Variants in BEGAIN observed in about 807,000 individuals in gnomAD.
BEGAIN encodes brain enriched guanylate kinase associated.
BEGAIN carries 19 observed loss-of-function variants against 35.8 expected under a neutral mutation model. The ratio of observed to expected loss-of-function variants is 0.53; its 90% confidence interval spans 0.37 to 0.78. BEGAIN has a LOEUF of 0.78. Ranked by LOEUF, BEGAIN falls within the 30% of genes least tolerant of loss-of-function variation. BEGAIN has a pLI of 0.00. For synonymous variants in BEGAIN, 462 were observed against 388.6 expected, an observed-to-expected ratio of 1.19 and a Z score of -2.22; for missense variants, 795 against 853.6, an observed-to-expected ratio of 0.93 and a Z score of 0.85.
At chr14:100,569,068 G>A (rs1362598302) in intron 1 of BEGAIN, 1 of 472,512 alleles carries the variant, frequency 2.1e-6, no homozygotes, top group African/African-American at 2.1e-5. Flanking sequence ...CGGCCCCGGG[G>A]CCTCGGCCAG....
In BEGAIN at chr14:100,552,516, G is replaced by A. The variant is rs142671084; in HGVS notation, c.72-5854C>T. ...AGAACCAGGGCTGTTGGGCCCTGCC[G>A]GGGCTGCCGCCCTCCCCTTTCTTGG... On this transcript the variant is annotated intron_variant, in intron 2 of 6. Coordinates refer to ENST00000554140, the MANE Select transcript of BEGAIN (RefSeq NM_001385089.1). Among the ~76,000 whole-genome samples the A allele has an allele frequency of 9.8e-5, 15 of 152,346 alleles. 1 individual carries two copies. The highest frequency in any genetic ancestry group is 3.6e-4 in the African/African-American group (15 of 41,586).
chr14:100,560,129 T>C lies in BEGAIN; in HGVS notation c.71+7782A>G, dbSNP rs189034932. 3.7e-3 allele frequency among the ~76,000 whole-genome samples: 567 copies of C among 152,294 alleles called. 3 individuals are homozygous for C. Among genetic ancestry groups the C allele is most frequent in the African/African-American group, 0.013 (543 of 41,548 alleles). Reference sequence around the variant, plus strand: ...AGCAGGCCCCAACCTCAGCAGTCTCTGCTCTGCCACAGGCCACTGGGGCCA... The same window carrying C: ...AGCAGGCCCCAACCTCAGCAGTCTCCGCTCTGCCACAGGCCACTGGGGCCA... On this transcript the variant is annotated intron_variant, in intron 2 of 6. Coordinates refer to ENST00000554140, the MANE Select transcript of BEGAIN (RefSeq NM_001385089.1).
chr14:100,574,551 C>A (rs994766501), intron 1 of BEGAIN, among the ~76,000 whole-genome samples: 2 of 149,200 alleles, frequency 1.3e-5, no homozygotes, highest in African/African-American at 4.9e-5. Flanking sequence ...AACATTTGAG[C>A]CAACATTTAA....
chr14:100,544,900 C>T (rs1031319884), intron 4 of BEGAIN, 100 bp downstream of exon 4: 2 of 1,182,600 alleles, frequency 1.7e-6, no homozygotes, highest in African/African-American at 3.0e-5. Context: ...CCAGCAAGAC[C>T]TGTGTCCCAG....
rs1434786882 is a variant in BEGAIN at position 100,567,870 on chromosome 14, C to G, written c.71+41G>C. 2.1e-6 allele frequency: 3 copies of G among 1,462,348 alleles called. No homozygotes were observed. The highest frequency in any genetic ancestry group is 2.7e-6 in the Non-Finnish European group (3 of 1,098,208). 90.6% of individuals were successfully genotyped at this position (1,462,348 alleles called of 1,614,324 possible). A position where few individuals can be genotyped will look rare whatever the true frequency, so the allele number is the denominator to read the frequency against. On this transcript the variant is annotated intron_variant, in intron 2 of 6. Coordinates refer to ENST00000554140, the MANE Select transcript of BEGAIN (RefSeq NM_001385089.1). This position sits in a 1 kb window ranked among gnomAD's most constrained non-coding sequence, Gnocchi z 5.1. ...CTTCCCCAGCGCCCTCACCCCCGAC[C>G]CGGCCCCCGCGAGCCGCGGCACGGG...
chr14:100,560,463 C>T (rs1008460111), intron 2 of BEGAIN, among the ~76,000 whole-genome samples: 24 of 152,208 alleles, frequency 1.6e-4, no homozygotes, highest in African/African-American at 2.4e-5. Context: ...CGGGGATCCC[C>T]CAGACACATG....
intron 2 of BEGAIN, among the ~76,000 whole-genome samples, chr14:100,554,965 G>A (rs2033565868): frequency 6.6e-6 from 1 of 152,240 alleles, no homozygotes; most frequent in African/African-American, 2.4e-5. Context: ...TCAGTGCCTA[G>A]AGCAGGACCA....
At position 100,563,774 on chromosome 14, in the gene BEGAIN, C is replaced by T. The variant is rs541235581; in HGVS notation, c.71+4137G>A. Among the ~76,000 whole-genome samples, 2 of 152,236 alleles carry T rather than the reference C, an allele frequency of 1.3e-5. No individual in the cohort carries two copies. Among genetic ancestry groups the T allele is most frequent in the African/African-American group, 4.8e-5 (2 of 41,452 alleles). On this transcript the variant is annotated intron_variant, in intron 2 of 6. Coordinates refer to ENST00000554140, the MANE Select transcript of BEGAIN (RefSeq NM_001385089.1). The surrounding 1 kb of genome is among the most constrained non-coding windows in gnomAD (Gnocchi z 4.2). ...CGCACAGGAGTTTCCTAAGGTGGCCCAGGCTGCACAGTGCCCGGCAGTCTG... is the reference window on the plus strand; with the variant it reads ...CGCACAGGAGTTTCCTAAGGTGGCCTAGGCTGCACAGTGCCCGGCAGTCTG...
rs1191975248 is a variant in BEGAIN at position 100,568,582 on chromosome 14, G to A, written c.43-643C>T. ...CCGTGAGCGCCCGGCTCGCCGGCGG[G>A]GCTCCCTGCCTTGCTTGCGCAGACC... On this transcript the variant is annotated intron_variant, in intron 1 of 6. Transcript: ENST00000554140. The surrounding 1 kb of genome is among the most constrained non-coding windows in gnomAD (Gnocchi z 7.5). 8.2e-7 allele frequency: 1 copy of A among 1,212,164 alleles called. No individual in the cohort carries two copies. Among genetic ancestry groups the A allele is most frequent in the African/African-American group, 1.6e-5 (1 of 63,782 alleles). 75.1% of individuals were successfully genotyped at this position (1,212,164 alleles called of 1,614,324 possible). A position where few individuals can be genotyped will look rare whatever the true frequency, so the allele number is the denominator to read the frequency against.
intron 2 of BEGAIN, among the ~76,000 whole-genome samples, chr14:100,551,482 G>A (rs1224953275): frequency 2.0e-5 from 3 of 152,196 alleles, no homozygotes; most frequent in Non-Finnish European, 4.4e-5. Context: ...AGGCAGATGG[G>A]CGTGCTCAGA....
At chr14:100,581,658 G>A (rs145671936) in intron 1 of BEGAIN, among the ~76,000 whole-genome samples, 3 of 152,354 alleles carry the variant, frequency 2.0e-5, no homozygotes, top group East Asian at 1.9e-4. Context: ...GCAGTGACCC[G>A]TCGGAGGTCA....
chr14:100,582,019 G>T (rs574266503), intron 1 of BEGAIN, among the ~76,000 whole-genome samples: 22 of 152,384 alleles, frequency 1.4e-4, no homozygotes, highest in Admixed American at 5.2e-4. Context: ...GCTCTGAGGG[G>T]TCTCGGGTAA....
intron 2 of BEGAIN, among the ~76,000 whole-genome samples, chr14:100,566,251 C>T (rs953633110): frequency 1.3e-5 from 2 of 152,250 alleles, no homozygotes; most frequent in South Asian, 4.1e-4. Flanking sequence ...CCGCCTGGGA[C>T]AGCAACGCTG....
At position 100,577,068 on chromosome 14, in the gene BEGAIN, G is replaced by GA. The variant is rs2035218184; in HGVS notation, c.43-9130_43-9129insT. On this transcript the variant is annotated intron_variant, in intron 1 of 6. Transcript: ENST00000554140. ...GGTAAACCACCAAGGCTCTGCCGCA[G>GA]TGGGGAGGGGATTATTATAATTGTT... Among the ~76,000 whole-genome samples the GA allele has an allele frequency of 2.0e-5, 3 of 152,354 alleles. No homozygotes were observed. In the East Asian group the frequency reaches 5.8e-4, roughly 29 times the overall value.
In BEGAIN at chr14:100,579,175, C is replaced by T. The variant is rs116487616; in HGVS notation, c.42+8074G>A. ...TGTGCCTGGCCTGCTTCTGGTACTT[C>T]TTTAACTTGAAAGAAAAATAACCTC... On this transcript the variant is annotated intron_variant, in intron 1 of 6. Coordinates refer to ENST00000554140, the MANE Select transcript of BEGAIN (RefSeq NM_001385089.1). 8.8e-3 allele frequency among the ~76,000 whole-genome samples: 1,334 copies of T among 152,258 alleles called. 18 individuals carry two copies. Among genetic ancestry groups the T allele is most frequent in the African/African-American group, 0.031 (1,274 of 41,556 alleles).
chr14:100,557,362 G>C, intron 2 of BEGAIN, among the ~76,000 whole-genome samples: 1 of 152,358 alleles, frequency 6.6e-6, no homozygotes, highest in East Asian at 1.9e-4. Context: ...AGAGATGACC[G>C]CCATGGCGGC....
chr14:100,546,843 T>A, intron 2 of BEGAIN, 181 bp from the exon 3 acceptor site: 2 of 507,086 alleles, frequency 3.9e-6, no homozygotes, highest in Non-Finnish European at 6.5e-6. Flanking sequence ...CGGGCGTCAC[T>A]GAAGACCATG....
intron 2 of BEGAIN, among the ~76,000 whole-genome samples, chr14:100,557,932 T>C (rs1289435801): frequency 6.6e-6 from 1 of 152,160 alleles, no homozygotes; most frequent in Non-Finnish European, 1.5e-5. Flanking sequence ...ATGCCCCACC[T>C]ACCAGCATCT....
intron 2 of BEGAIN, among the ~76,000 whole-genome samples, chr14:100,555,869 C>G (rs1274064021): frequency 6.6e-6 from 1 of 152,160 alleles, no homozygotes; most frequent in Admixed American, 6.5e-5. Flanking sequence ...TGGCTGACCT[C>G]TGCAGTGATA....
Sources: allele counts gnomAD v4.1 joint callset (sites outside exome capture counted in the v4.1 genomes callset), GRCh38; gene constraint gnomAD v4.1.1; non-coding constraint Gnocchi (gnomAD v3.1); transcripts MANE v1.5; gene names NCBI Gene and HGNC (gene_info 2026-07-23, HGNC 2026-07-21).